CD1B: variants seen among roughly 807,000 people sequenced by gnomAD.
The protein encoded by CD1B is CD1b molecule.
In CD1B, 43 loss-of-function variants were observed where a neutral mutation model predicts 39.8. The ratio of observed to expected loss-of-function variants is 1.08; its 90% CI spans 0.85 to 1.39. The LOEUF is 1.39. CD1B is among the 40% of genes most tolerant of loss of function. CD1B has a pLI of 0.00. For missense variants in CD1B, 495 were observed against 403.8 expected, an observed-to-expected ratio of 1.23 and a Z score of -1.94; for synonymous variants, 192 against 152.5, an observed-to-expected ratio of 1.26 and a Z score of -1.91.
the CD1B span, among the ~76,000 whole-genome samples, chr1:158,294,528 A>T: frequency 6.6e-6 from 1 of 152,180 alleles, no homozygotes; most frequent in Non-Finnish European, 1.5e-5. Flanking sequence ...GATTTTATTG[A>T]TGTATAATTT....
At chr1:158,287,316 G>A in the CD1B span, among the ~76,000 whole-genome samples, 2 of 151,998 alleles carry the variant, frequency 1.3e-5, no homozygotes, top group Non-Finnish European at 2.9e-5. Context: ...GACAGAGAGC[G>A]ACAGGGAGAG....
chr1:158,330,647 C>T, intron 2 of CD1B, 149 bp downstream of exon 2: 1 of 807,706 alleles, frequency 1.2e-6, no homozygotes, highest in Non-Finnish European at 2.2e-6. Context: ...TGGTGTGAAG[C>T]TGGAGTGAGA....
chr1:158,297,158 T>C, the CD1B span, among the ~76,000 whole-genome samples: 1 of 151,972 alleles, frequency 6.6e-6, no homozygotes, highest in Non-Finnish European at 1.5e-5. Flanking sequence ...AATAAGATTA[T>C]CCAAGGTCAA....
chr1:158,313,377 C>A, the CD1B span, among the ~76,000 whole-genome samples: 37 of 152,306 alleles, frequency 2.4e-4, no homozygotes, highest in Non-Finnish European at 3.4e-4. Flanking sequence ...GTGGCACAAT[C>A]ACATCTCACC....
At chr1:158,292,586 C>T in the CD1B span, 1 of 1,609,836 alleles carries the variant, frequency 6.2e-7, no homozygotes, top group Non-Finnish European at 8.5e-7. Context: ...ACTTTTTCTG[C>T]TCTCTGCAGT....
chr1:158,289,659 T>A, the CD1B span: 1 of 157,948 alleles, frequency 6.3e-6, no homozygotes, highest in South Asian at 1.9e-4. Flanking sequence ...CTGGAAGAAC[T>A]GTGATCTATT....
rs1652423391 is a variant in CD1B, at chr1:158,328,006, A to G, written c.*230T>C. ...TGAGACACATTTTTTCTAACATTTTAATGTGTGTAAAATCAGGGTGAATCA... is the reference window on the plus strand; with the variant it reads ...TGAGACACATTTTTTCTAACATTTTGATGTGTGTAAAATCAGGGTGAATCA... On this transcript the variant is annotated 3_prime_UTR_variant, in exon 6 of 6. Transcript: ENST00000368168. 1 of 424,912 alleles carries G rather than the reference A, an allele frequency of 2.4e-6. No homozygotes were observed. The highest frequency in any genetic ancestry group is 4.2e-6 in the Non-Finnish European group (1 of 239,406). The allele number at this position is 424,912 out of a possible 1,614,324, so 26.3% of individuals were successfully genotyped here. A position where few individuals can be genotyped will look rare whatever the true frequency, so the allele number is the denominator to read the frequency against.
At chr1:158,293,271 A>G in the CD1B span, 5 of 1,613,940 alleles carry the variant, frequency 3.1e-6, no homozygotes, top group East Asian at 2.2e-5. Context: ...GGTGATTCTA[A>G]TAGTCCTTGT....
the CD1B span, among the ~76,000 whole-genome samples, chr1:158,305,671 C>A: frequency 6.6e-6 from 1 of 152,188 alleles, no homozygotes; most frequent in African/African-American, 2.4e-5. Flanking sequence ...ATGTTAAGGG[C>A]AGCCAGAGAG....
At chr1:158,306,857 A>T in the CD1B span, among the ~76,000 whole-genome samples, 10 of 152,218 alleles carry the variant, frequency 6.6e-5, no homozygotes, top group East Asian at 1.7e-3. Flanking sequence ...ATGAAGGCAG[A>T]AATAAAGATG....
At chr1:158,330,554 C>A in intron 2 of CD1B, 1 of 679,674 alleles carries the variant, frequency 1.5e-6, no homozygotes, top group South Asian at 1.5e-5. Flanking sequence ...TAAGACAAAC[C>A]AGCAGCTGGT....
chr1:158,310,152 G>C, the CD1B span, among the ~76,000 whole-genome samples: 7 of 152,236 alleles, frequency 4.6e-5, no homozygotes, highest in East Asian at 1.4e-3. Flanking sequence ...AGAGAACCCA[G>C]AAATAAATCT....
intron 2 of CD1B, 93 bp downstream of exon 2, chr1:158,330,703 G>A (rs1261135440): frequency 7.9e-7 from 1 of 1,261,760 alleles, no homozygotes; most frequent in Non-Finnish European, 1.2e-6. Context: ...AAAATAGAAA[G>A]GAAGGGAGAA....
chr1:158,331,152 A>C, intron 1 of CD1B, 90 bp from the exon 2 acceptor site: 1 of 1,357,184 alleles, frequency 7.4e-7, no homozygotes, highest in South Asian at 1.4e-5. Flanking sequence ...TTTAGAAAAC[A>C]AGAACCTAGA....
the CD1B span, among the ~76,000 whole-genome samples, chr1:158,295,021 C>G: frequency 6.6e-6 from 1 of 152,012 alleles, no homozygotes; most frequent in African/African-American, 2.4e-5. Flanking sequence ...TCTCCTGCAC[C>G]CTTAGTCACC....
At chr1:158,300,440 G>A in the CD1B span, among the ~76,000 whole-genome samples, 2 of 152,166 alleles carry the variant, frequency 1.3e-5, no homozygotes, top group Admixed American at 1.3e-4. Flanking sequence ...GTGGTGCTGA[G>A]AAGAATATAT....
the CD1B span, among the ~76,000 whole-genome samples, chr1:158,299,240 G>T: frequency 2.6e-5 from 4 of 152,230 alleles, no homozygotes; most frequent in Admixed American, 6.5e-5. Flanking sequence ...GTTGAATTTT[G>T]TCAAAGGCCT....
chr1:158,306,786 C>A, the CD1B span, among the ~76,000 whole-genome samples: 11 of 152,196 alleles, frequency 7.2e-5, no homozygotes, highest in Non-Finnish European at 1.6e-4. Flanking sequence ...TCACTCAAAG[C>A]CGCTCAACTA....
At chr1:158,290,252 T>G in the CD1B span, 1 of 793,184 alleles carries the variant, frequency 1.3e-6, no homozygotes, top group East Asian at 2.6e-5. Flanking sequence ...CAGGTCCAGT[T>G]TACTCTTTTG....
Sources: gnomAD v4.1 joint callset for allele counts (sites outside exome capture counted in the v4.1 genomes callset) on GRCh38, gnomAD v4.1.1 for gene constraint, MANE v1.5 for transcripts, NCBI Gene and HGNC (gene_info 2026-07-23, HGNC 2026-07-21) for gene names.